The following ZDHHC23 variants were observed in gnomAD, a reference collection of about 807,000 sequenced individuals.
The protein encoded by ZDHHC23 is zDHHC palmitoyltransferase 23, also known as palmitoyltransferase ZDHHC23.
ZDHHC23 carries 41 observed loss-of-function variants against 40.2 expected under a neutral mutation model. That is an observed-to-expected ratio of 1.02 (90% CI 0.79 to 1.32). ZDHHC23 has a LOEUF of 1.32. Ranked by LOEUF, ZDHHC23 falls within the 40% of genes most tolerant of loss-of-function variation. The pLI, the probability that ZDHHC23 is intolerant of heterozygous loss-of-function variation, is 0.00. For synonymous variants in ZDHHC23, 204 were observed against 210.2 expected (o/e 0.97, Z 0.26); for missense variants, 471 against 541.5 (o/e 0.87, Z 1.29).
Position 113,961,351 on chromosome 3 carries a change from G to A in ZDHHC23, c.*2721G>A, listed in dbSNP as rs1440023917. On this transcript the variant is annotated 3_prime_UTR_variant, in exon 5 of 5. Transcript: ENST00000638807. ...ACACCACTGTGGACTGTTCCTGGGG[G>A]GAGAAGAACAGACCGATTTGAAAGA... The A allele has an allele frequency of 1.3e-5, 2 of 152,276 alleles. No homozygotes were observed. The highest frequency in any genetic ancestry group is 4.8e-5 in the African/African-American group (2 of 41,420). 9.4% of individuals were successfully genotyped at this position (152,276 alleles called of 1,614,324 possible).
At chr3:113,951,437 A>G (rs1402877781) in intron 2 of ZDHHC23, among the ~76,000 whole-genome samples, 3 of 152,132 alleles carry the variant, frequency 2.0e-5, no homozygotes, top group Non-Finnish European at 2.9e-5. Flanking sequence ...TTTACCACCT[A>G]TGCCCTTCAG....
At chr3:113,965,255 A>C, downstream of ZDHHC23, 2 of 1,611,786 alleles carry the variant, frequency 1.2e-6, no homozygotes, top group Non-Finnish European at 1.7e-6. Context: ...AAGAATTTCA[A>C]CTACCTTCCT....
chr3:113,957,320 G>T lies in ZDHHC23; in HGVS notation c.1040+814G>T, dbSNP rs73856221. On this transcript the variant is annotated intron_variant, in intron 4 of 4. Coordinates refer to ENST00000638807, the MANE Select transcript of ZDHHC23 (RefSeq NM_001320466.2). Reference sequence around the variant, plus strand: ...TTTCTTTACAAAGTATCCCTTTGTGGCATTTGTTTTTATTAGCCTGTGGAC... The same window carrying T: ...TTTCTTTACAAAGTATCCCTTTGTGTCATTTGTTTTTATTAGCCTGTGGAC... Among the ~76,000 whole-genome samples the T allele has an allele frequency of 6.6e-3, 1,012 of 152,234 alleles. 11 individuals are homozygous for T. The highest frequency in any genetic ancestry group is 0.024 in the African/African-American group (982 of 41,520).
rs1939234249 is a variant in ZDHHC23 at position 113,956,459 on chromosome 3, T to C, written c.993T>C (p.Ser331=). ...LTLDTICRDR[S]VFTALFYCPG... ...TGGACACCATTTGTAGAGACAGAAG[T>C]GTCTTCACAGCTCTTTTCTATTGTC... Residue 331 remains serine (S), a synonymous_variant, in exon 4 of 5, where the codon AGT becomes AGC. Transcript: ENST00000638807. 1 of 1,614,080 alleles carries C rather than the reference T, an allele frequency of 6.2e-7. No homozygotes were observed. Among genetic ancestry groups the C allele is most frequent in the Admixed American group, 1.7e-5 (1 of 60,008 alleles).
rs1344498587 is a variant in ZDHHC23, at chr3:113,958,352, C to T, written c.1041-11C>T. The T allele has an allele frequency of 1.3e-6, 2 of 1,587,956 alleles. No individual in the cohort carries two copies. The highest frequency in any genetic ancestry group is 1.7e-6 in the Non-Finnish European group (2 of 1,163,574). On this transcript the variant is annotated splice_polypyrimidine_tract_variant and intron_variant, in intron 4 of 4. Transcript: ENST00000638807. The stretch of plus-strand genomic sequence containing the variant: ...AAACGGCAGCCCTGACAGCCTTTTT[C>T]CCTCTCCTAGCTCGGCTCTGTCCTT...
rs1222982271 is a variant in ZDHHC23 at position 113,960,124 on chromosome 3, T to G, written c.*1494T>G. ...ATTGCCAGCGTTTTCAGTCATTCTG[T>G]GCATGCTGCTTTAAGCAAGAGATTT... is the stretch of plus-strand genomic sequence containing the variant. On this transcript the variant is annotated 3_prime_UTR_variant, in exon 5 of 5. Coordinates refer to ENST00000638807, the MANE Select transcript of ZDHHC23 (RefSeq NM_001320466.2). 1.0e-6 allele frequency: 1 copy of G among 990,520 alleles called. No homozygotes were observed. The highest frequency in any genetic ancestry group is 1.7e-5 in the African/African-American group (1 of 57,274). The allele number at this position is 990,520 out of a possible 1,614,324, so 61.4% of individuals were successfully genotyped here.
Position 113,949,067 on chromosome 3 carries a change from C to T in ZDHHC23, c.161+104C>T, listed in dbSNP as rs754718265. 116 of 1,454,478 alleles carry T rather than the reference C, an allele frequency of 8.0e-5. 1 individual carries two copies. In the South Asian group the frequency reaches 9.8e-4, roughly 12 times the overall value. 90.1% of individuals were successfully genotyped at this position (1,454,478 alleles called of 1,614,324 possible). ...AGAATGCTAGAATTTGCTCTTGATT[C>T]TATTTCCAAGCATCTAAAATGAGAG... On this transcript the variant is annotated intron_variant, in intron 2 of 4. Coordinates refer to ENST00000638807, the MANE Select transcript of ZDHHC23 (RefSeq NM_001320466.2).
rs1559852536 is a variant in ZDHHC23 at position 113,959,909 on chromosome 3, C to T, written c.*1279C>T. 8.0e-6 allele frequency: 8 copies of T among 997,422 alleles called. No individual in the cohort carries two copies. In the East Asian group the frequency reaches 2.8e-4, roughly 35 times the overall value. The allele number at this position is 997,422 out of a possible 1,614,324, so 61.8% of individuals were successfully genotyped here. On this transcript the variant is annotated 3_prime_UTR_variant, in exon 5 of 5. Transcript: ENST00000638807. ...TGTTTCTTTAATCATATCTTAAAAC[C>T]GAAAATGTATAAAAGATTAAATATT...
chr3:113,963,574 CAAAAAAAAAAAA>C (rs10526433), downstream of ZDHHC23, among the ~76,000 whole-genome samples: 3 of 50,770 alleles, frequency 5.9e-5, no homozygotes, highest in South Asian at 7.7e-4. Context: ...CCATCTCTAC[CAAAAAAAAAAAA>C]AAAAAAAAAA....
rs79698289 is a variant in ZDHHC23 at position 113,950,845 on chromosome 3, A to G, written c.161+1882A>G. On this transcript the variant is annotated intron_variant, in intron 2 of 4. Transcript: ENST00000638807. ...ATCAAACAAGTTAGGTGCTTCCACAATACGATGGTAGGACATGCATAGAAT... is the reference window on the plus strand; with the variant it reads ...ATCAAACAAGTTAGGTGCTTCCACAGTACGATGGTAGGACATGCATAGAAT... 5.9e-3 allele frequency among the ~76,000 whole-genome samples: 903 copies of G among 152,350 alleles called. 11 individuals are homozygous for G. Among genetic ancestry groups the G allele is most frequent in the African/African-American group, 0.02 (848 of 41,578 alleles).
the ZDHHC23 span, chr3:113,978,379 C>A: frequency 2.9e-5 from 46 of 1,586,932 alleles, no homozygotes; most frequent in Non-Finnish European, 3.8e-5. Context: ...TATCAGTTGA[C>A]AAAGAATTAG....
Position 113,954,034 on chromosome 3 carries a change from G to C in ZDHHC23, c.496G>C (p.Val166Leu). The change falls in exon 3 of 5, where the codon GTG becomes CTG. Residue 166 changes from valine to leucine, a missense_variant. By Grantham distance (32) the Val-to-Leu change is conservative. Around this residue, in one of 3 missense-constraint regions of ZDHHC23, gnomAD observed 346 missense variants for 399.8 expected, o/e 0.87. Coordinates refer to ENST00000638807, the MANE Select transcript of ZDHHC23 (RefSeq NM_001320466.2). ...GCAGGAAGTGGTCCCCAAAGGGCGT[G>C]TGGGTCCCGTTCAGCTGGCGGTTCT... is the stretch of plus-strand genomic sequence containing the variant. ...FLQEVVPKGR[V>L]GPVQLAVLTC... is the part of the protein sequence containing the mutation. 1 of 1,614,172 alleles carries C rather than the reference G, an allele frequency of 6.2e-7. No homozygotes were observed. Among genetic ancestry groups the C allele is most frequent in the Non-Finnish European group, 8.5e-7 (1 of 1,180,036 alleles).
downstream of ZDHHC23, chr3:113,965,093 G>T (rs943469371): frequency 1.1e-6 from 1 of 946,052 alleles, no homozygotes; most frequent in Non-Finnish European, 1.6e-6. Context: ...GTGTGGGTGG[G>T]TGGAGATAAC....
Position 113,960,019 on chromosome 3 carries a change from A to C in ZDHHC23, c.*1389A>C. 1 of 992,386 alleles carries C rather than the reference A, an allele frequency of 1.0e-6. No individual in the cohort carries two copies. The highest frequency in any genetic ancestry group is 1.2e-6 in the Non-Finnish European group (1 of 833,358). The allele number at this position is 992,386 out of a possible 1,614,324, so 61.5% of individuals were successfully genotyped here. On this transcript the variant is annotated 3_prime_UTR_variant, in exon 5 of 5. Transcript: ENST00000638807. ...TACCCTTTTGAAATGTTAGTTTTGA[A>C]CATGTACTGTTGTGCAATCCCAAAG...
Position 113,959,292 on chromosome 3 carries a change from A to G in ZDHHC23, c.*662A>G. 2 of 1,095,080 alleles carry G rather than the reference A, an allele frequency of 1.8e-6. No homozygotes were observed. The highest frequency in any genetic ancestry group is 2.3e-6 in the Non-Finnish European group (2 of 885,836). The allele number at this position is 1,095,080 out of a possible 1,614,324, so 67.8% of individuals were successfully genotyped here. A position where few individuals can be genotyped will look rare whatever the true frequency, so the allele number is the denominator to read the frequency against. On this transcript the variant is annotated 3_prime_UTR_variant, in exon 5 of 5. Transcript: ENST00000638807. ...TGAGAATTTCTCCTTCTTATTAGACATGAACTACTCAAACAGAGAAGATGA... is the reference window on the plus strand; with the variant it reads ...TGAGAATTTCTCCTTCTTATTAGACGTGAACTACTCAAACAGAGAAGATGA...
At chr3:113,968,836 A>G (rs765244774), downstream of ZDHHC23, among the ~76,000 whole-genome samples, 4 of 151,948 alleles carry the variant, frequency 2.6e-5, no homozygotes, top group Admixed American at 1.3e-4. Context: ...CCCTTGTCAG[A>G]TGGCATTTTA....
Position 113,958,412 on chromosome 3 carries a change from G to A in ZDHHC23, c.1090G>A (p.Gly364Ser). ...CVWYSVIITAGMAYIFLIQLI... is the reference protein window; with the variant it reads ...CVWYSVIITASMAYIFLIQLI... ...GTGGTACTCTGTGATCATCACAGCA[G>A]GCATGGCCTACATCTTCCTGATCCA... is the stretch of plus-strand genomic sequence containing the variant. Residue 364 changes from glycine (G) to serine (S), a missense_variant, in exon 5 of 5, where the codon GGC becomes AGC. Physicochemically the swap from Gly to Ser is moderately conservative, Grantham distance 56. This residue lies in a region of ZDHHC23 where 346 missense variants were observed against 399.8 expected (regional missense o/e 0.87). Transcript: ENST00000638807. The A allele has an allele frequency of 1.2e-6, 2 of 1,614,178 alleles. No homozygotes were observed. The highest frequency in any genetic ancestry group is 2.2e-5 in the South Asian group (2 of 91,084).
Position 113,960,918 on chromosome 3 carries a change from G to GT in ZDHHC23, c.*2288_*2289insT. The GT allele has an allele frequency of 1.2e-6, 1 of 858,124 alleles. No individual in the cohort carries two copies. Among genetic ancestry groups the GT allele is most frequent in the Non-Finnish European group, 1.7e-6 (1 of 599,750 alleles). 53.2% of individuals were successfully genotyped at this position (858,124 alleles called of 1,614,324 possible). On this transcript the variant is annotated 3_prime_UTR_variant, in exon 5 of 5. Transcript: ENST00000638807. ...CCTTCCCAGGCGTCTGTACCGAAAG[G>GT]AGCAGCAAACAAGGGGCTAATCCAT...
chr3:113,971,966 A>G, the ZDHHC23 span, among the ~76,000 whole-genome samples: 1 of 152,142 alleles, frequency 6.6e-6, no homozygotes, highest in East Asian at 1.9e-4. Flanking sequence ...TTATTGATAT[A>G]TAGGTGTTCA....
Sources: gnomAD v4.1 joint callset for allele counts (sites outside exome capture counted in the v4.1 genomes callset) on GRCh38, gnomAD v4.1.1 for gene constraint, gnomAD v4.1.1 regional missense constraint, MANE v1.5 for transcripts, NCBI Gene and HGNC (gene_info 2026-07-23, HGNC 2026-07-21) for gene names.